CADM2: variants seen among roughly 807,000 people sequenced by gnomAD.
CADM2 encodes the protein cell adhesion molecule 2.
A neutral mutation model predicts 49.8 loss-of-function variants in CADM2; 12 were observed. That is an observed-to-expected ratio of 0.24 (90% CI 0.15 to 0.39). CADM2 has a LOEUF of 0.39. CADM2 is among the 10% of genes least tolerant of loss of function. The pLI is 1.00. For missense variants in CADM2, 378 were observed against 492.3 expected, an observed-to-expected ratio of 0.77 and a Z score of 2.20; for synonymous variants, 214 against 175.4, an observed-to-expected ratio of 1.22 and a Z score of -1.74.
intron 1 of CADM2, among the ~76,000 whole-genome samples, chr3:85,654,691 G>A (rs2065145001): frequency 6.6e-6 from 1 of 152,130 alleles, no homozygotes. Context: ...AAATTGGATA[G>A]CCTCTAATTG....
intron 5 of CADM2, among the ~76,000 whole-genome samples, chr3:85,891,347 G>T (rs1714410912): frequency 6.6e-6 from 1 of 152,084 alleles, no homozygotes; most frequent in African/African-American, 2.4e-5. Context: ...AAAACCATGA[G>T]ATCTTTTCTA....
Position 85,043,190 on chromosome 3 carries a change from C to T in CADM2, c.61+83522C>T, listed in dbSNP as rs542583335. 3.9e-5 allele frequency among the ~76,000 whole-genome samples: 6 copies of T among 152,060 alleles called. No individual in the cohort carries two copies. The South Asian group carries it at 6.2e-4, about 16-fold the overall frequency. On this transcript the variant is annotated intron_variant, in intron 1 of 9. Transcript: ENST00000383699. Reference sequence around the variant, plus strand: ...TCTTTAGTGATAAGAATTATTTTCTCGTCTCATGCAGGGAAGGTGCACTTA... The same window carrying T: ...TCTTTAGTGATAAGAATTATTTTCTTGTCTCATGCAGGGAAGGTGCACTTA...
intron 1 of CADM2, among the ~76,000 whole-genome samples, chr3:85,278,022 T>A (rs1024113075): frequency 1.3e-5 from 2 of 151,240 alleles, no homozygotes; most frequent in African/African-American, 4.8e-5. Flanking sequence ...TCCCCTTTTT[T>A]TTTCTATTTC....
intron 1 of CADM2, among the ~76,000 whole-genome samples, chr3:85,116,807 A>G (rs1055861940): frequency 6.6e-6 from 1 of 152,172 alleles, no homozygotes. Flanking sequence ...GATAGTATAC[A>G]GTTAAATGGT....
chr3:85,203,397 A>C (rs1445957987), intron 1 of CADM2, among the ~76,000 whole-genome samples: 1 of 150,838 alleles, frequency 6.6e-6, no homozygotes, highest in African/African-American at 2.4e-5. Flanking sequence ...AGAGAGAGAA[A>C]GAAAGTGTCA....
intron 2 of CADM2, among the ~76,000 whole-genome samples, chr3:85,736,425 G>C (rs921032071): frequency 1.2e-4 from 19 of 152,296 alleles, no homozygotes; most frequent in South Asian, 2.1e-4. Context: ...TAGAGAAAAT[G>C]ATGGTCAGAA....
chr3:85,047,990 A>G (rs374791637), intron 1 of CADM2, among the ~76,000 whole-genome samples: 2 of 152,258 alleles, frequency 1.3e-5, no homozygotes. Context: ...ATGTATATCT[A>G]CTATACAGAA....
chr3:85,183,333 A>G (rs2040979828), intron 1 of CADM2, among the ~76,000 whole-genome samples: 1 of 152,176 alleles, frequency 6.6e-6, no homozygotes, highest in Non-Finnish European at 1.5e-5. Flanking sequence ...ATTTTGCAAT[A>G]CATTCTGTTG....
intron 1 of CADM2, among the ~76,000 whole-genome samples, chr3:85,492,293 T>TAA (rs2039707248): frequency 6.6e-6 from 1 of 152,178 alleles, no homozygotes; most frequent in Admixed American, 6.5e-5. Flanking sequence ...TTTCTCTTTA[T>TAA]AAATGGAATA....
At chr3:85,120,065 G>A (rs1227806011) in intron 1 of CADM2, among the ~76,000 whole-genome samples, 13 of 152,072 alleles carry the variant, frequency 8.5e-5, no homozygotes, top group African/African-American at 2.7e-4. Flanking sequence ...ATGTATATGC[G>A]ACCAACAAAC....
chr3:84,985,820 G>C (rs772159142), intron 1 of CADM2, among the ~76,000 whole-genome samples: 1 of 152,170 alleles, frequency 6.6e-6, no homozygotes, highest in Non-Finnish European at 1.5e-5. Context: ...GCATCAGTAA[G>C]TGAAGTACCT....
intron 1 of CADM2, among the ~76,000 whole-genome samples, chr3:84,982,737 A>ATATATATATGTT (rs1553663805): frequency 1.7e-5 from 2 of 115,378 alleles, no homozygotes; most frequent in African/African-American, 7.0e-5. Flanking sequence ...ATATATATAC[A>ATATATATATGTT]TTTTTTGTTT....
intron 1 of CADM2, among the ~76,000 whole-genome samples, chr3:85,197,310 G>T (rs2041366959): frequency 6.6e-6 from 1 of 151,794 alleles, no homozygotes; most frequent in Admixed American, 6.6e-5. Context: ...GTTAATGGAG[G>T]CTTAACAGGG....
At chr3:85,301,038 G>A (rs1271098311) in intron 1 of CADM2, among the ~76,000 whole-genome samples, 1 of 152,080 alleles carries the variant, frequency 6.6e-6, no homozygotes, top group Non-Finnish European at 1.5e-5. Context: ...GTGAGAAATT[G>A]TGGCTTTTCT....
chr3:86,025,820 T>G (rs1003145643), intron 8 of CADM2, among the ~76,000 whole-genome samples: 21 of 152,238 alleles, frequency 1.4e-4, no homozygotes, highest in African/African-American at 4.8e-4. Flanking sequence ...GAACTAAACA[T>G]CAGGAGTACA....
chr3:85,152,825 C>T (rs1298694221), intron 1 of CADM2, among the ~76,000 whole-genome samples: 4 of 151,710 alleles, frequency 2.6e-5, no homozygotes, highest in African/African-American at 4.8e-5. Flanking sequence ...ATTTGCCGGG[C>T]GTGGTGGCGG....
chr3:85,551,103 A>G (rs1450033915), intron 1 of CADM2, among the ~76,000 whole-genome samples: 2 of 151,740 alleles, frequency 1.3e-5, no homozygotes, highest in Non-Finnish European at 2.9e-5. Context: ...CCCACCTCAG[A>G]CTCTCAAGAA....
chr3:85,845,155 CAA>C (rs71112121), intron 3 of CADM2, among the ~76,000 whole-genome samples: 7,052 of 88,178 alleles, frequency 0.08, 346 homozygotes, highest in African/African-American at 0.21. Flanking sequence ...GACTTAGTCA[CAA>C]AAAAAAAAAA....
At chr3:85,415,252 T>C (rs758729471) in intron 1 of CADM2, among the ~76,000 whole-genome samples, 58 of 152,220 alleles carry the variant, frequency 3.8e-4, no homozygotes, top group Admixed American at 1.2e-3. Context: ...AGTTCTCAAA[T>C]TTCGTGGACT....
Sources: gnomAD v4.1 joint callset for allele counts (sites outside exome capture counted in the v4.1 genomes callset) on GRCh38, gnomAD v4.1.1 for gene constraint, MANE v1.5 for transcripts, NCBI Gene and HGNC (gene_info 2026-07-23, HGNC 2026-07-21) for gene names.